Variants in COL23A1 observed in about 807,000 individuals in gnomAD.
COL23A1 encodes the protein collagen type XXIII alpha 1 chain.
A neutral mutation model predicts 99.3 loss-of-function variants in COL23A1; 97 were observed. The ratio of observed to expected loss-of-function variants is 0.98; its 90% CI spans 0.83 to 1.16. COL23A1 has a LOEUF of 1.16. COL23A1 is among the 50% of genes most tolerant of loss of function. The pLI, the probability that COL23A1 is intolerant of heterozygous loss-of-function variation, is 0.00. For missense variants in COL23A1, 762 were observed against 757.4 expected (o/e 1.01, Z -0.07); for synonymous variants, 320 against 308.2 (o/e 1.04, Z -0.40).
chr5:178,407,784 A>C (rs1718473690), intron 2 of COL23A1, among the ~76,000 whole-genome samples: 1 of 147,428 alleles, frequency 6.8e-6, no homozygotes, highest in African/African-American at 2.7e-5. Context: ...AAACTGAACA[A>C]ACAGAGAGAA....
chr5:178,292,176 C>T (rs1757496680), intron 3 of COL23A1, among the ~76,000 whole-genome samples: 7 of 152,124 alleles, frequency 4.6e-5, no homozygotes, highest in Admixed American at 3.9e-4. Flanking sequence ...TGCCTTTCCA[C>T]CTGCCCCTCC....
intron 2 of COL23A1, among the ~76,000 whole-genome samples, chr5:178,554,950 T>C (rs1762189328): frequency 6.6e-6 from 1 of 152,216 alleles, no homozygotes; most frequent in Non-Finnish European, 1.5e-5. Context: ...ACTTTTCATC[T>C]TTCCAAACAG....
chr5:178,572,936 G>A (rs1318698943), intron 1 of COL23A1, among the ~76,000 whole-genome samples: 1 of 152,240 alleles, frequency 6.6e-6, no homozygotes, highest in Non-Finnish European at 1.5e-5. Context: ...ACTACACTGA[G>A]TGAAAGAAAC....
intron 2 of COL23A1, among the ~76,000 whole-genome samples, chr5:178,322,417 CTGCATGTGGCCT>C (rs1276573438): frequency 6.6e-6 from 1 of 152,210 alleles, no homozygotes; most frequent in Non-Finnish European, 1.5e-5. Flanking sequence ...GCATGAGCCG[CTGCATGTGGCCT>C]CAAAAGATCA....
In COL23A1 at chr5:178,367,803, C is replaced by T. The variant is rs564605226; in HGVS notation, c.362-60884G>A. On this transcript the variant is annotated intron_variant, in intron 2 of 28. Coordinates refer to ENST00000390654, the MANE Select transcript of COL23A1 (RefSeq NM_173465.4). ...GTCCTGGGGCACCAGCAGGTGGGTGCGCAGGTACACGTGAGTCCAGGCTTC... is the reference window on the plus strand; with the variant it reads ...GTCCTGGGGCACCAGCAGGTGGGTGTGCAGGTACACGTGAGTCCAGGCTTC... Among the ~76,000 whole-genome samples the T allele has an allele frequency of 5.9e-5, 9 of 152,364 alleles. No homozygotes were observed. The South Asian group carries it at 6.2e-4, about 11-fold the overall frequency.
At chr5:178,588,909 C>T (rs1233153192) in intron 1 of COL23A1, among the ~76,000 whole-genome samples, 1 of 152,192 alleles carries the variant, frequency 6.6e-6, no homozygotes, top group African/African-American at 2.4e-5. Flanking sequence ...ATTGAGGATG[C>T]GCCCTTGGAC....
chr5:178,585,229 C>T (rs1459308671), intron 1 of COL23A1, among the ~76,000 whole-genome samples: 1 of 152,180 alleles, frequency 6.6e-6, no homozygotes, highest in Admixed American at 6.5e-5. Flanking sequence ...ACTGAACCCC[C>T]GCTCTGCCCC....
chr5:178,550,171 A>C (rs1477986581), intron 2 of COL23A1, among the ~76,000 whole-genome samples: 5 of 152,220 alleles, frequency 3.3e-5, no homozygotes, highest in Non-Finnish European at 7.3e-5. Flanking sequence ...AGCTGATCTG[A>C]GTTCACATAA....
At chr5:178,423,311 G>A (rs988220971) in intron 2 of COL23A1, among the ~76,000 whole-genome samples, 1 of 152,084 alleles carries the variant, frequency 6.6e-6, no homozygotes, top group Non-Finnish European at 1.5e-5. Context: ...ATCTTTCACT[G>A]GGCTAGTGAT....
intron 2 of COL23A1, among the ~76,000 whole-genome samples, chr5:178,358,513 ATGTG>A (rs1037707291): frequency 3.9e-5 from 5 of 128,848 alleles, no homozygotes; most frequent in African/African-American, 9.4e-5. Flanking sequence ...ATATGTGTGT[ATGTG>A]TGTATGTATG....
intron 2 of COL23A1, among the ~76,000 whole-genome samples, chr5:178,484,821 CAAAA>C (rs397746374): frequency 7.7e-5 from 7 of 90,412 alleles, no homozygotes; most frequent in African/African-American, 2.1e-4. Context: ...GACTCTGTCT[CAAAA>C]AAAAAAAAAA....
chr5:178,283,843 C>A (rs1055769210), intron 5 of COL23A1, among the ~76,000 whole-genome samples: 5 of 152,198 alleles, frequency 3.3e-5, no homozygotes, highest in Non-Finnish European at 5.9e-5. Flanking sequence ...AAACAAGATA[C>A]CTCCGGGAAG....
intron 1 of COL23A1, among the ~76,000 whole-genome samples, chr5:178,578,385 G>T (rs1166288659): frequency 6.6e-6 from 1 of 152,090 alleles, no homozygotes; most frequent in Non-Finnish European, 1.5e-5. Flanking sequence ...CTTCCTGACT[G>T]CACCACAAGC....
At chr5:178,426,593 G>T (rs998157253) in intron 2 of COL23A1, among the ~76,000 whole-genome samples, 1 of 152,134 alleles carries the variant, frequency 6.6e-6, no homozygotes, top group Admixed American at 6.5e-5. Flanking sequence ...GGTGGATGCC[G>T]CACACCACCC....
At chr5:178,295,358 A>G (rs77872290) in intron 3 of COL23A1, among the ~76,000 whole-genome samples, 1,891 of 152,334 alleles carry the variant, frequency 0.012, 37 homozygotes, top group African/African-American at 0.043. Flanking sequence ...AATAGCCCTG[A>G]AATATCTGGA....
At chr5:178,261,835 G>A (rs1370590346) in intron 10 of COL23A1, 87 bp from the exon 11 acceptor site, 1 of 1,165,012 alleles carries the variant, frequency 8.6e-7, no homozygotes, top group Non-Finnish European at 1.3e-6. Context: ...TTTGTAAAAG[G>A]TGACACCAAT....
At chr5:178,460,996 A>G (rs1307567972) in intron 2 of COL23A1, among the ~76,000 whole-genome samples, 4 of 152,112 alleles carry the variant, frequency 2.6e-5, no homozygotes, top group Non-Finnish European at 5.9e-5. Flanking sequence ...CTCCCATGGG[A>G]AAGTCGGATG....
At position 178,358,423 on chromosome 5, in the gene COL23A1, GTGTATGTGTATGTGTGTA is replaced by G. The variant is rs1402278321; in HGVS notation, c.362-51522_362-51505del. Among the ~76,000 whole-genome samples, 299 of 146,326 alleles carry G rather than the reference GTGTATGTGTATGTGTGTA, an allele frequency of 2.0e-3. 3 individuals carry two copies. The highest frequency in any genetic ancestry group is 3.5e-3 in the Admixed American group (52 of 14,846). The stretch of plus-strand genomic sequence containing the variant: ...TGTGTATGTGTGTATGTGTATGTGT[GTGTATGTGTATGTGTGTA>G]TGTGTGTATATGTATGCGTATGTGT... On this transcript the variant is annotated intron_variant, in intron 2 of 28. Coordinates refer to ENST00000390654, the MANE Select transcript of COL23A1 (RefSeq NM_173465.4).
chr5:178,272,512 G>A (rs930498737), intron 5 of COL23A1, among the ~76,000 whole-genome samples: 1 of 152,210 alleles, frequency 6.6e-6, no homozygotes, highest in African/African-American at 2.4e-5. Context: ...TGGGGTCCCA[G>A]GAGAGTGGGA....
Sources: allele counts gnomAD v4.1 joint callset (sites outside exome capture counted in the v4.1 genomes callset), GRCh38; gene constraint gnomAD v4.1.1; transcripts MANE v1.5; gene names NCBI Gene and HGNC (gene_info 2026-07-23, HGNC 2026-07-21).